The following LGSN variants were observed in gnomAD, a reference collection of about 807,000 sequenced individuals.
LGSN encodes lengsin, lens protein with glutamine synthetase domain, also known as lengsin.
In LGSN, 21 loss-of-function variants were observed where a neutral mutation model predicts 19.5. The observed-to-expected ratio is 1.07, with a 90% CI of 0.76 to 1.55. The LOEUF (loss-of-function observed/expected upper bound fraction) is 1.55. LGSN is among the 40% of genes most tolerant of loss of function. LGSN has a pLI of 0.00. For missense variants in LGSN, 673 were observed against 608.5 expected, an observed-to-expected ratio of 1.11 and a Z score of -1.12; for synonymous variants, 257 against 215.6, an observed-to-expected ratio of 1.19 and a Z score of -1.68.
At chr6:63,346,395 T>TGGCGTGAACCC in the LGSN span, among the ~76,000 whole-genome samples, 1 of 151,904 alleles carries the variant, frequency 6.6e-6, no homozygotes, top group African/African-American at 2.4e-5. Context: ...CCCTGAACAA[T>TGGCGTGAACCC]GGGTTTGGAG....
the LGSN span, among the ~76,000 whole-genome samples, chr6:63,533,060 TCTC>T: frequency 6.6e-6 from 1 of 152,266 alleles, no homozygotes. Flanking sequence ...GCATTCATTT[TCTC>T]CTTTAAGAGA....
the LGSN span, among the ~76,000 whole-genome samples, chr6:63,414,908 C>A: frequency 6.6e-6 from 1 of 150,924 alleles, no homozygotes; most frequent in Admixed American, 6.6e-5. Flanking sequence ...GAGCCAGACG[C>A]CCTTTAAAAA....
the LGSN span, among the ~76,000 whole-genome samples, chr6:63,358,220 G>C: frequency 1.3e-5 from 2 of 152,198 alleles, no homozygotes; most frequent in African/African-American, 4.8e-5. Context: ...GTACCATGCT[G>C]TTTTGGTTAC....
chr6:63,424,732 G>A, the LGSN span, among the ~76,000 whole-genome samples: 3 of 152,026 alleles, frequency 2.0e-5, no homozygotes, highest in African/African-American at 7.2e-5. Context: ...AGGCAATATA[G>A]TGAAACCCAT....
the LGSN span, chr6:63,396,418 T>A: frequency 5.0e-6 from 1 of 200,488 alleles, no homozygotes; most frequent in Non-Finnish European, 1.1e-5. Flanking sequence ...GACCTCAAGA[T>A]GCTGCTGCCT....
At chr6:63,342,345 G>T in the LGSN span, among the ~76,000 whole-genome samples, 2 of 152,250 alleles carry the variant, frequency 1.3e-5, no homozygotes, top group Admixed American at 1.3e-4. Flanking sequence ...AACGATTTAA[G>T]CAATAGTATT....
chr6:63,528,545 T>C, the LGSN span, among the ~76,000 whole-genome samples: 2 of 151,570 alleles, frequency 1.3e-5, no homozygotes, highest in South Asian at 4.2e-4. Flanking sequence ...GGCAACATGG[T>C]GAAACCTCAT....
the LGSN span, among the ~76,000 whole-genome samples, chr6:63,521,424 G>C: frequency 6.6e-6 from 1 of 152,138 alleles, no homozygotes; most frequent in Non-Finnish European, 1.5e-5. Flanking sequence ...GGTAGGATCA[G>C]AAAGAGGCAG....
At chr6:63,361,005 G>A in the LGSN span, among the ~76,000 whole-genome samples, 22,130 of 152,192 alleles carry the variant, frequency 0.15, 3,003 homozygotes, top group African/African-American at 0.36. Flanking sequence ...CTGCCTGATC[G>A]TTCCTCTGGA....
the LGSN span, chr6:63,480,086 G>A: frequency 5.9e-6 from 1 of 169,346 alleles, no homozygotes; most frequent in Admixed American, 6.0e-5. Flanking sequence ...TTCACAACCT[G>A]TGTTCCTTCC....
At chr6:63,331,959 A>G in the LGSN span, among the ~76,000 whole-genome samples, 2 of 152,202 alleles carry the variant, frequency 1.3e-5, no homozygotes, top group Admixed American at 1.3e-4. Context: ...TTATGCCCCA[A>G]AAATGAAGTG....
chr6:63,304,523 G>C (rs1768305492), intron 1 of LGSN, among the ~76,000 whole-genome samples: 1 of 152,138 alleles, frequency 6.6e-6, no homozygotes, highest in East Asian at 1.9e-4. Context: ...TAAATACACT[G>C]GGTTTTGTAG....
At chr6:63,301,501 T>C (rs2127391061) in intron 1 of LGSN, among the ~76,000 whole-genome samples, 1 of 151,942 alleles carries the variant, frequency 6.6e-6, no homozygotes, top group Non-Finnish European at 1.5e-5. Context: ...TAGAAAAAAA[T>C]GCAAGAGGCT....
At chr6:63,450,966 C>T in the LGSN span, among the ~76,000 whole-genome samples, 1 of 152,152 alleles carries the variant, frequency 6.6e-6, no homozygotes, top group African/African-American at 2.4e-5. Flanking sequence ...TGAGCCACCA[C>T]ACCCGGCTGT....
At chr6:63,346,896 G>A in the LGSN span, among the ~76,000 whole-genome samples, 3 of 152,194 alleles carry the variant, frequency 2.0e-5, no homozygotes, top group African/African-American at 7.2e-5. Context: ...ACAATGAATT[G>A]GGAGACCTAT....
chr6:63,419,229 T>A, the LGSN span, among the ~76,000 whole-genome samples: 3 of 152,176 alleles, frequency 2.0e-5, no homozygotes, highest in African/African-American at 7.2e-5. Flanking sequence ...GTTTTATATA[T>A]AATGGTCAGG....
At chr6:63,439,014 C>G in the LGSN span, among the ~76,000 whole-genome samples, 1 of 152,170 alleles carries the variant, frequency 6.6e-6, no homozygotes, top group Admixed American at 6.5e-5. Flanking sequence ...CCATGGAATA[C>G]TATGCAGCCA....
At chr6:63,422,904 A>G in the LGSN span, among the ~76,000 whole-genome samples, 1 of 152,242 alleles carries the variant, frequency 6.6e-6, no homozygotes, top group African/African-American at 2.4e-5. Flanking sequence ...TAAATACCCC[A>G]ATTAAAAGAC....
At chr6:63,529,879 A>G in the LGSN span, among the ~76,000 whole-genome samples, 3 of 152,222 alleles carry the variant, frequency 2.0e-5, no homozygotes, top group Non-Finnish European at 4.4e-5. Flanking sequence ...GTGTAAAAAT[A>G]TGTCTGCAGT....
Sources: gnomAD v4.1 joint callset for allele counts (sites outside exome capture counted in the v4.1 genomes callset) on GRCh38, gnomAD v4.1.1 for gene constraint, MANE v1.5 for transcripts, NCBI Gene and HGNC (gene_info 2026-07-23, HGNC 2026-07-21) for gene names.